The following CADM2 variants were observed in gnomAD, a reference collection of about 807,000 sequenced individuals.
The protein encoded by CADM2 is immunoglobulin superfamily member 4D.
In CADM2, 12 loss-of-function variants were observed where a neutral mutation model predicts 49.8. The observed-to-expected ratio is 0.24, with a 90% CI of 0.15 to 0.39. The LOEUF (loss-of-function observed/expected upper bound fraction) is 0.39, where lower values mean the gene tolerates loss of function less well. Ranked by LOEUF, CADM2 falls within the 10% of genes least tolerant of loss-of-function variation. CADM2 has a pLI of 1.00. For synonymous variants in CADM2, 214 were observed against 175.4 expected (o/e 1.22, Z -1.74); for missense variants, 378 against 492.3 (o/e 0.77, Z 2.20).
intron 1 of CADM2, among the ~76,000 whole-genome samples, chr3:85,041,514 T>C (rs1164653903): frequency 1.3e-5 from 2 of 152,188 alleles, no homozygotes; most frequent in African/African-American, 4.8e-5. Context: ...GTATCTTTCA[T>C]GCTCTTAAAT....
At chr3:85,370,892 C>A (rs1158949953) in intron 1 of CADM2, among the ~76,000 whole-genome samples, 3 of 151,918 alleles carry the variant, frequency 2.0e-5, no homozygotes, top group African/African-American at 2.4e-5. Context: ...GAGAACTGGG[C>A]TAACGTGTGT....
intron 1 of CADM2, among the ~76,000 whole-genome samples, chr3:85,070,275 G>C (rs1198741526): frequency 6.6e-6 from 1 of 152,040 alleles, no homozygotes; most frequent in East Asian, 1.9e-4. Flanking sequence ...TGCCTATATA[G>C]TTTAATGTGA....
chr3:85,610,575 A>G (rs1257764752), intron 1 of CADM2, among the ~76,000 whole-genome samples: 1 of 151,958 alleles, frequency 6.6e-6, no homozygotes, highest in South Asian at 2.1e-4. Context: ...TTTGAATTGC[A>G]TGGAAACTAA....
intron 1 of CADM2, among the ~76,000 whole-genome samples, chr3:85,066,508 T>G (rs1031993212): frequency 3.3e-5 from 5 of 152,040 alleles, no homozygotes; most frequent in African/African-American, 1.2e-4. Context: ...TTTCACCTCC[T>G]TTGCACTATA....
intron 8 of CADM2, chr3:86,015,106 C>T: frequency 1.8e-6 from 1 of 571,298 alleles, no homozygotes; most frequent in Non-Finnish European, 3.1e-6. Context: ...AATTCCAAAA[C>T]CATCGAAAAT....
chr3:85,324,495 A>T (rs1407662667), intron 1 of CADM2, among the ~76,000 whole-genome samples: 2 of 152,206 alleles, frequency 1.3e-5, no homozygotes, highest in African/African-American at 4.8e-5. Flanking sequence ...TAGTCTTTTG[A>T]TCCACAACTC....
chr3:84,974,060 G>A (rs375803677), intron 1 of CADM2, among the ~76,000 whole-genome samples: 1 of 151,996 alleles, frequency 6.6e-6, no homozygotes, highest in African/African-American at 2.4e-5. Context: ...AATATTCTTG[G>A]CATCATATTT....
At chr3:85,518,850 C>A (rs1576703947) in intron 1 of CADM2, among the ~76,000 whole-genome samples, 2 of 152,050 alleles carry the variant, frequency 1.3e-5, no homozygotes, top group Non-Finnish European at 2.9e-5. Flanking sequence ...TTAGTCACCT[C>A]GGCAAAGATT....
At chr3:85,507,182 A>ATT (rs71108295) in intron 1 of CADM2, among the ~76,000 whole-genome samples, 2,925 of 127,232 alleles carry the variant, frequency 0.023, 73 homozygotes, top group South Asian at 0.042. Flanking sequence ...CACCCAGTGT[A>ATT]TTTTTTTTTT....
chr3:85,493,213 G>C (rs1384312753), intron 1 of CADM2, among the ~76,000 whole-genome samples: 1 of 151,978 alleles, frequency 6.6e-6, no homozygotes, highest in Non-Finnish European at 1.5e-5. Flanking sequence ...ATTTTGATAA[G>C]GTTTTAAAGT....
chr3:85,930,607 A>T (rs1286345027), intron 6 of CADM2, among the ~76,000 whole-genome samples: 1 of 152,018 alleles, frequency 6.6e-6, no homozygotes, highest in Non-Finnish European at 1.5e-5. Context: ...TCAAACCCCC[A>T]GTACCCTTCT....
chr3:85,845,084 A>G (rs1391072107), intron 3 of CADM2, among the ~76,000 whole-genome samples: 1 of 146,322 alleles, frequency 6.8e-6, no homozygotes, highest in Admixed American at 7.0e-5. Context: ...TGAGCCCAGG[A>G]GTTTGAGGCT....
intron 1 of CADM2, among the ~76,000 whole-genome samples, chr3:85,218,673 G>A (rs917390878): frequency 6.6e-6 from 1 of 152,130 alleles, no homozygotes; most frequent in African/African-American, 2.4e-5. Context: ...GCAGGTGCCT[G>A]TAGTCCCAGC....
chr3:85,446,597 G>GTTTT (rs1447208577), intron 1 of CADM2, among the ~76,000 whole-genome samples: 1 of 107,612 alleles, frequency 9.3e-6, no homozygotes, highest in African/African-American at 2.7e-5. Flanking sequence ...AGTTTTTTTT[G>GTTTT]TTTTTTGTTT....
intron 1 of CADM2, among the ~76,000 whole-genome samples, chr3:85,335,253 A>G (rs1459767474): frequency 1.3e-5 from 2 of 151,518 alleles, no homozygotes; most frequent in Admixed American, 6.6e-5. Context: ...GTGATCATAA[A>G]ACATCAGTCA....
intron 1 of CADM2, among the ~76,000 whole-genome samples, chr3:85,057,842 TC>T (rs1559638756): frequency 6.6e-6 from 1 of 152,176 alleles, no homozygotes; most frequent in Non-Finnish European, 1.5e-5. Flanking sequence ...TTAACAGGCA[TC>T]CTAAAGATGG....
chr3:86,014,043 G>A (rs915643741), intron 8 of CADM2: 17 of 1,322,942 alleles, frequency 1.3e-5, no homozygotes, highest in African/African-American at 8.9e-5. Context: ...AGAACTTGAC[G>A]ATGTAATTTC....
At chr3:85,337,969 A>G (rs940459079) in intron 1 of CADM2, among the ~76,000 whole-genome samples, 6 of 151,696 alleles carry the variant, frequency 4.0e-5, no homozygotes, top group Non-Finnish European at 7.4e-5. Flanking sequence ...AGTGTTTGAA[A>G]CATATTGCAT....
chr3:86,013,121 A>G, intron 8 of CADM2: 2 of 1,352,668 alleles, frequency 1.5e-6, no homozygotes, highest in Non-Finnish European at 2.1e-6. Context: ...CAGTCATTTG[A>G]ACAAACCACG....
Sources: allele counts gnomAD v4.1 joint callset (sites outside exome capture counted in the v4.1 genomes callset), GRCh38; gene constraint gnomAD v4.1.1; transcripts MANE v1.5; gene names NCBI Gene and HGNC (gene_info 2026-07-23, HGNC 2026-07-21).